Variants in ALOXE3 observed in about 807,000 individuals in gnomAD.
ALOXE3 encodes the protein arachidonate epidermal lipoxygenase 3, also known as hydroperoxide isomerase ALOXE3.
A neutral mutation model predicts 87.5 loss-of-function variants in ALOXE3; 78 were observed. That is an observed-to-expected ratio of 0.89 (90% CI 0.74 to 1.08). The LOEUF (loss-of-function observed/expected upper bound fraction) is 1.08. Ranked by LOEUF, ALOXE3 falls within the 50% of genes least tolerant of loss-of-function variation. The pLI, the probability that ALOXE3 is intolerant of heterozygous loss-of-function variation, is 0.00. For synonymous variants in ALOXE3, 363 were observed against 370.8 expected (o/e 0.98, Z 0.24); for missense variants, 946 against 912.4 (o/e 1.04, Z -0.47).
At chr17:8,109,461 C>A in intron 11 of ALOXE3, 118 bp from the exon 12 acceptor site, 1 of 1,398,708 alleles carries the variant, frequency 7.1e-7, no homozygotes, top group Admixed American at 2.0e-5. Flanking sequence ...ACCAAGCAAT[C>A]CACGGATCAA....
At chr17:8,114,409 G>C in intron 6 of ALOXE3, 75 bp downstream of exon 6, 2 of 1,604,090 alleles carry the variant, frequency 1.2e-6, no homozygotes, top group Non-Finnish European at 1.7e-6. Flanking sequence ...AGGGAGAAGG[G>C]GCAGTCTGGG....
At chr17:8,101,759 C>A (rs1162187437) in intron 15 of ALOXE3, among the ~76,000 whole-genome samples, 2 of 151,900 alleles carry the variant, frequency 1.3e-5, no homozygotes, top group Non-Finnish European at 2.9e-5. Flanking sequence ...CACTTTAGCT[C>A]CCCCCAAGCA....
chr17:8,115,646 T>C lies in ALOXE3; in HGVS notation c.395A>G (p.His132Arg). ...CQDSLPLLLD[H>R]RTRELRARQE... ...TCGGGCCCGGAGCTCCCGTGTCCTG[T>C]GATCCAGGAGGAGGGGAAGAGAGTC... Residue 132 changes from histidine to arginine, a missense_variant, in exon 4 of 16, where the codon CAC becomes CGC. Transcript: ENST00000448843. 6.2e-7 allele frequency: 1 copy of C among 1,614,110 alleles called. No homozygotes were observed. Among genetic ancestry groups the C allele is most frequent in the South Asian group, 1.1e-5 (1 of 91,084 alleles).
At chr17:8,108,849 C>T (rs1366401851) in intron 12 of ALOXE3, among the ~76,000 whole-genome samples, 1 of 152,104 alleles carries the variant, frequency 6.6e-6, no homozygotes, top group Non-Finnish European at 1.5e-5. Flanking sequence ...CTGATTCATG[C>T]TGCCACCCCC....
Position 8,115,050 on chromosome 17 carries a change from T to C in ALOXE3, c.442A>G (p.Ile148Val), listed in dbSNP as rs1395041842. 1.2e-6 allele frequency: 2 copies of C among 1,614,064 alleles called. No homozygotes were observed. Among genetic ancestry groups the C allele is most frequent in the East Asian group, 4.5e-5 (2 of 44,900 alleles). The part of the protein sequence containing the change: ...RARQECYRWK[I>V]YAPGFPCMVD... ...ATGCAGGGGAAGCCAGGGGCATAGATCTTCCAGCTTCCGAGGGAAAGAGGT... is the reference window on the plus strand; with the variant it reads ...ATGCAGGGGAAGCCAGGGGCATAGACCTTCCAGCTTCCGAGGGAAAGAGGT... The change falls in exon 5 of 16, where the codon ATC becomes GTC. Residue 148 changes from isoleucine to valine, a missense_variant. Physicochemically the swap from Ile to Val is conservative, Grantham distance 29 (BLOSUM62 3). Coordinates refer to ENST00000448843, the MANE Select transcript of ALOXE3 (RefSeq NM_021628.3).
At chr17:8,107,053 AAAGT>A (rs1979369671) in intron 13 of ALOXE3, among the ~76,000 whole-genome samples, 1 of 152,216 alleles carries the variant, frequency 6.6e-6, no homozygotes, top group South Asian at 2.1e-4. Flanking sequence ...AAAATGAAAT[AAAGT>A]AAGATAGGAG....
At position 8,110,284 on chromosome 17, in the gene ALOXE3, G is replaced by A. The variant is rs1339399105; in HGVS notation, c.1113C>T (p.Thr371=). 6.2e-7 allele frequency: 1 copy of A among 1,614,002 alleles called. No homozygotes were observed. The highest frequency in any genetic ancestry group is 1.3e-5 in the African/African-American group (1 of 75,040). Residue 371 remains threonine, a synonymous_variant, in exon 10 of 16, where the codon ACC becomes ACT. Transcript: ENST00000448843. ...LVPLAIQLSQ[T]PGPDSPIFLP... Reference sequence around the variant, plus strand: ...GGAAGATGGGGCTGTCAGGCCCGGGGGTCTGGCTGAGCTGCGTCCGAAAGG... The same window carrying A: ...GGAAGATGGGGCTGTCAGGCCCGGGAGTCTGGCTGAGCTGCGTCCGAAAGG...
intron 2 of ALOXE3, among the ~76,000 whole-genome samples, 161 bp from the exon 3 acceptor site, chr17:8,117,141 G>C (rs531458967): frequency 6.6e-6 from 1 of 152,254 alleles, no homozygotes; most frequent in Non-Finnish European, 1.5e-5. Context: ...AAGCTTCCCC[G>C]GGCCGGGAGA....
chr17:8,109,527 C>A (rs1029171531), intron 11 of ALOXE3, among the ~76,000 whole-genome samples, 184 bp from the exon 12 acceptor site: 14 of 152,238 alleles, frequency 9.2e-5, no homozygotes, highest in South Asian at 2.1e-4. Flanking sequence ...CCATTACGTG[C>A]GTGGGAGGAG....
chr17:8,115,744 GC>G, intron 3 of ALOXE3, 56 bp from the exon 4 acceptor site: 1 of 1,551,828 alleles, frequency 6.4e-7, no homozygotes, highest in Non-Finnish European at 8.9e-7. Context: ...AACATCTTCT[GC>G]AAACCTTGCC....
Position 8,103,426 on chromosome 17 carries a change from C to G in ALOXE3, c.1853G>C (p.Gly618Ala), listed in dbSNP as rs771496731. 3 of 1,614,074 alleles carry G rather than the reference C, an allele frequency of 1.9e-6. No homozygotes were observed. In the Admixed American group the frequency reaches 5.0e-5, roughly 27 times the overall value. ...SMRQPPPQTK[G>A]TTTLKTYLDT... The stretch of plus-strand genomic sequence containing the variant: ...TAGGTAAGTCTTCAGGGTGGTGGTC[C>G]CCTTGGTCTGGGGTGGGGGCTGCCT... Residue 618 changes from glycine (G) to alanine (A), a missense_variant, in exon 15 of 16, where the codon GGG (glycine) becomes GCG (alanine). By Grantham distance (60) the Gly-to-Ala change is moderately conservative (BLOSUM62 0). Coordinates refer to ENST00000448843, the MANE Select transcript of ALOXE3 (RefSeq NM_021628.3).
In ALOXE3 at chr17:8,118,043, C is replaced by T; in HGVS notation, c.-53G>A. 6.3e-7 allele frequency: 1 copy of T among 1,597,030 alleles called. No individual in the cohort carries two copies. The highest frequency in any genetic ancestry group is 8.5e-7 in the Non-Finnish European group (1 of 1,174,238). On this transcript the variant is annotated 5_prime_UTR_variant, in exon 2 of 16. Coordinates refer to ENST00000448843, the MANE Select transcript of ALOXE3 (RefSeq NM_021628.3). ...CAACGCTGGCCGCAGCAGCAGCCGG[C>T]CTGGAGGAGAAGAGCGGCACGCCGG...
At chr17:8,105,859 G>C (rs764964232) in intron 13 of ALOXE3, among the ~76,000 whole-genome samples, 5 of 142,328 alleles carry the variant, frequency 3.5e-5, no homozygotes, top group Non-Finnish European at 7.5e-5. Flanking sequence ...AGGCTGCAGT[G>C]AGCTGTGATC....
chr17:8,113,513 C>T lies in ALOXE3; in HGVS notation c.680+971G>A, dbSNP rs192914395. 9.9e-5 allele frequency among the ~76,000 whole-genome samples: 15 copies of T among 151,932 alleles called. No individual in the cohort carries two copies. In the South Asian group the frequency reaches 1.0e-3, roughly 11 times the overall value. ...ACTAAAAATGCAAAAATTAGCCAGGCGTGGTGGTGCATCTCTGTAATCCCA... is the reference window on the plus strand; with the variant it reads ...ACTAAAAATGCAAAAATTAGCCAGGTGTGGTGGTGCATCTCTGTAATCCCA... On this transcript the variant is annotated intron_variant, in intron 6 of 15. Transcript: ENST00000448843.
At chr17:8,110,064 CG>C (rs1489966614) in intron 10 of ALOXE3, 27 bp downstream of exon 10, 2 of 1,594,666 alleles carry the variant, frequency 1.3e-6, no homozygotes, top group Non-Finnish European at 1.7e-6. Context: ...GCCCCTGCCC[CG>C]CTGGGCCCCC....
In ALOXE3 at chr17:8,109,137, C is replaced by A. The variant is rs776193858; in HGVS notation, c.1562+37G>T. On this transcript the variant is annotated intron_variant, in intron 12 of 15. Transcript: ENST00000448843. ...ACCACAATGTCCCAGGCCAGGAGAC[C>A]CTGGTGGGACTGCTGGTCCCGCCCC... 3 of 1,609,694 alleles carry A rather than the reference C, an allele frequency of 1.9e-6. No individual in the cohort carries two copies. The Admixed American group carries it at 5.0e-5, about 27-fold the overall frequency.
chr17:8,118,276 C>T lies in ALOXE3; in HGVS notation c.-286G>A, dbSNP rs933414398. The stretch of plus-strand genomic sequence containing the variant: ...AGCCGGTCCCTCTGGCTGGCTCACC[C>T]AGATGGATATCAGGAGCCTGGGTTC... On this transcript the variant is annotated 5_prime_UTR_variant, in exon 2 of 16. Coordinates refer to ENST00000448843, the MANE Select transcript of ALOXE3 (RefSeq NM_021628.3). 4 of 1,551,620 alleles carry T rather than the reference C, an allele frequency of 2.6e-6. No individual in the cohort carries two copies. The highest frequency in any genetic ancestry group is 1.7e-4 in the Middle Eastern group (1 of 6,014).
In ALOXE3 at chr17:8,104,157, G is replaced by A; in HGVS notation, c.1743C>T (p.Ile581=). The A allele has an allele frequency of 6.2e-7, 1 of 1,614,028 alleles. No homozygotes were observed. Among genetic ancestry groups the A allele is most frequent in the Non-Finnish European group, 8.5e-7 (1 of 1,180,004 alleles). ...GEMVKFLTAI[I]FNCSAQHAAV... is the part of the protein sequence containing the mutation. ...CAGCGTGCTGGGCAGAGCAATTGAA[G>A]ATGATTGCAGTGAGGAACTTCACCA... The change falls in exon 14 of 16, where the codon ATC becomes ATT. Residue 581 remains isoleucine (I), a synonymous_variant. Coordinates refer to ENST00000448843, the MANE Select transcript of ALOXE3 (RefSeq NM_021628.3).
intron 8 of ALOXE3, among the ~76,000 whole-genome samples, chr17:8,111,129 C>A (rs1213721678): frequency 6.6e-6 from 1 of 152,226 alleles, no homozygotes; most frequent in African/African-American, 2.4e-5. Context: ...TGCGCGTTCA[C>A]ACCATTTCAC....
Sources: allele counts gnomAD v4.1 joint callset (sites outside exome capture counted in the v4.1 genomes callset), GRCh38; gene constraint gnomAD v4.1.1; transcripts MANE v1.5; gene names NCBI Gene and HGNC (gene_info 2026-07-23, HGNC 2026-07-21).